Variants in ANKRD11 observed in about 807,000 individuals in gnomAD.
The protein encoded by ANKRD11 is ankyrin repeat domain 11, also known as ankyrin repeat domain-containing protein 11.
Under a neutral mutation model 195.7 loss-of-function variants are expected in ANKRD11, and 17 were observed. The observed-to-expected ratio is 0.09, with a 90% confidence interval of 0.06 to 0.13. The LOEUF is 0.13. Among genes scored for constraint, ANKRD11 ranks in the 10% least tolerant of loss-of-function variants. The probability of loss-of-function intolerance (pLI) is 1.00; values close to 1 mark genes in which losing one functional copy is unlikely to be tolerated. For missense variants in ANKRD11, 3,735 were observed against 3,566.1 expected, an observed-to-expected ratio of 1.05 and a Z score of -1.21; for synonymous variants, 1,953 against 1,528.1, an observed-to-expected ratio of 1.28 and a Z score of -6.49.
chr16:89,278,544 A>C (rs1335077422), intron 9 of ANKRD11: 2 of 456,692 alleles, frequency 4.4e-6, no homozygotes, highest in African/African-American at 4.0e-5. Context: ...AGGTGGAACA[A>C]GGTGAGGCTG....
At chr16:89,474,178 A>G (rs182765713) in intron 1 of ANKRD11, among the ~76,000 whole-genome samples, 1 of 152,298 alleles carries the variant, frequency 6.6e-6, no homozygotes, top group Non-Finnish European at 1.5e-5. Flanking sequence ...GCCTCTGATA[A>G]GATCACAGTC....
At chr16:89,345,135 C>T (rs2152009517) in intron 2 of ANKRD11, among the ~76,000 whole-genome samples, 1 of 152,104 alleles carries the variant, frequency 6.6e-6, no homozygotes, top group South Asian at 2.1e-4. Context: ...GGAGCATCCA[C>T]CAGGAAATGG....
intron 2 of ANKRD11, among the ~76,000 whole-genome samples, chr16:89,365,942 T>C (rs1033107724): frequency 2.0e-5 from 3 of 152,084 alleles, no homozygotes; most frequent in Non-Finnish European, 2.9e-5. Flanking sequence ...TTCCCATTCA[T>C]AAGTGACAAC....
intron 1 of ANKRD11, among the ~76,000 whole-genome samples, chr16:89,486,755 C>T (rs2057628046): frequency 6.6e-6 from 1 of 152,206 alleles, no homozygotes; most frequent in Non-Finnish European, 1.5e-5. Context: ...TCTATAATCC[C>T]AGCACTTTGG....
chr16:89,285,561 G>C lies in ANKRD11; in HGVS notation c.981C>G (p.Leu327=). 1 of 1,614,154 alleles carries C rather than the reference G, an allele frequency of 6.2e-7. No homozygotes were observed. The highest frequency in any genetic ancestry group is 1.1e-5 in the South Asian group (1 of 91,064). ...NNTDSEFEKG[L]KHKAKNPEPQ... ...GCTCTGGGTTCTTGGCCTTGTGCTT[G>C]AGGCCTTTTTCGAACTCGGAGTCCG... Residue 327 remains leucine (L), a synonymous_variant, in exon 9 of 13, where the codon CTC becomes CTG. Transcript: ENST00000301030. The surrounding 1 kb of genome is among the most constrained non-coding windows in gnomAD (Gnocchi z 5.6).
rs187946635 is a variant in ANKRD11, at chr16:89,461,932, G to C, written c.-145+28313C>G. On this transcript the variant is annotated intron_variant, in intron 1 of 12. Transcript: ENST00000301030. ...GGCACTCATTTTGGAAACCTGCAGAGCATCTATTGAAAAAGCCCATCCCAG... is the reference window on the plus strand; with the variant it reads ...GGCACTCATTTTGGAAACCTGCAGACCATCTATTGAAAAAGCCCATCCCAG... 1.9e-3 allele frequency among the ~76,000 whole-genome samples: 296 copies of C among 152,160 alleles called. 1 individual carries two copies. Among genetic ancestry groups the C allele is most frequent in the African/African-American group, 7.0e-3 (290 of 41,514 alleles).
At chr16:89,323,126 C>T (rs1047982301) in intron 2 of ANKRD11, 14 of 340,146 alleles carry the variant, frequency 4.1e-5, no homozygotes, top group African/African-American at 2.5e-4. Flanking sequence ...TTGTGCGCTC[C>T]GTGGAAAGGG....
chr16:89,316,896 G>T, intron 3 of ANKRD11, 37 bp downstream of exon 3: 1 of 1,604,520 alleles, frequency 6.2e-7, no homozygotes, highest in Non-Finnish European at 8.5e-7. Flanking sequence ...CCATCTGGGT[G>T]CGGTGAGCAT....
intron 2 of ANKRD11, among the ~76,000 whole-genome samples, chr16:89,334,559 G>C (rs775024571): frequency 6.6e-6 from 1 of 152,120 alleles, no homozygotes; most frequent in Admixed American, 6.5e-5. Context: ...TGGGCATGCG[G>C]CATGCTATGG....
chr16:89,399,995 G>A (rs990439552), intron 2 of ANKRD11, among the ~76,000 whole-genome samples: 3 of 150,484 alleles, frequency 2.0e-5, no homozygotes, highest in Non-Finnish European at 3.0e-5. Flanking sequence ...GCTGGGGGCC[G>A]GTCATCTGCT....
chr16:89,403,277 A>C (rs1243359391), intron 2 of ANKRD11, among the ~76,000 whole-genome samples: 2 of 152,180 alleles, frequency 1.3e-5, no homozygotes, highest in African/African-American at 4.8e-5. Flanking sequence ...CCAGCCACGC[A>C]CATGTTGTGA....
chr16:89,341,724 G>C (rs1450494972), intron 2 of ANKRD11, among the ~76,000 whole-genome samples: 1 of 152,206 alleles, frequency 6.6e-6, no homozygotes, highest in Non-Finnish European at 1.5e-5. Context: ...ACCTACAAAA[G>C]CAAAATAAGG....
At chr16:89,486,739 C>G (rs546841468) in intron 1 of ANKRD11, among the ~76,000 whole-genome samples, 6 of 152,266 alleles carry the variant, frequency 3.9e-5, no homozygotes, top group Admixed American at 1.3e-4. Flanking sequence ...GGCATGGTGG[C>G]TCACGTCTAT....
chr16:89,381,354 A>AAAAAGGG (rs1555560066), intron 2 of ANKRD11, among the ~76,000 whole-genome samples: 1 of 125,338 alleles, frequency 8.0e-6, no homozygotes, highest in African/African-American at 3.3e-5. Flanking sequence ...AAAAAAAAAA[A>AAAAAGGG]GGGGTGAGAA....
chr16:89,465,642 C>T (rs2056855570), intron 1 of ANKRD11, among the ~76,000 whole-genome samples: 1 of 152,246 alleles, frequency 6.6e-6, no homozygotes, highest in African/African-American at 2.4e-5. Flanking sequence ...CCCATGTACT[C>T]CTGCACGTCA....
intron 2 of ANKRD11, among the ~76,000 whole-genome samples, chr16:89,358,096 A>G (rs1049998034): frequency 3.3e-5 from 5 of 152,252 alleles, no homozygotes; most frequent in African/African-American, 1.2e-4. Flanking sequence ...TTTTGACCCA[A>G]GGACACAGGT....
At position 89,282,321 on chromosome 16, in the gene ANKRD11, G is replaced by A. The variant is rs2034324741; in HGVS notation, c.4221C>T (p.Asn1407=). Residue 1407 remains asparagine (N), a synonymous_variant, in exon 9 of 13, where the codon AAC becomes AAT. Coordinates refer to ENST00000301030, the MANE Select transcript of ANKRD11 (RefSeq NM_013275.6). ...LEADAYGVSY[N]MKADIEDELD... is the part of the protein sequence containing the mutation. ...GCTCATCTTCTATGTCAGCTTTCATGTTGTAAGAAACTCCGTAAGCATCCG... is the reference window on the plus strand; with the variant it reads ...GCTCATCTTCTATGTCAGCTTTCATATTGTAAGAAACTCCGTAAGCATCCG... 6.2e-7 allele frequency: 1 copy of A among 1,614,046 alleles called. No individual in the cohort carries two copies. The highest frequency in any genetic ancestry group is 1.3e-5 in the African/African-American group (1 of 74,904).
In ANKRD11 at chr16:89,295,983, G is replaced by T. The variant is rs1290795765; in HGVS notation, c.227-4800C>A. On this transcript the variant is annotated intron_variant, in intron 4 of 12. Transcript: ENST00000301030. ...CAGGGAGTGTCTTCTCTATCTGGCT[G>T]CCTTTTTTTTTTTTTTTTTTTTTGA... Among the ~76,000 whole-genome samples, 30 of 19,856 alleles carry T rather than the reference G, an allele frequency of 1.5e-3. 1 individual carries two copies. Among genetic ancestry groups the T allele is most frequent in the East Asian group, 3.0e-3 (4 of 1,346 alleles). The allele number at this position is 19,856 out of a possible 152,430, so 13.0% of individuals were successfully genotyped here.
intron 2 of ANKRD11, among the ~76,000 whole-genome samples, chr16:89,331,846 C>T (rs2038082995): frequency 6.6e-6 from 1 of 152,130 alleles, no homozygotes; most frequent in African/African-American, 2.4e-5. Context: ...ATGTTTTCGG[C>T]GGATGCAATG....
Sources: gnomAD v4.1 joint callset for allele counts (sites outside exome capture counted in the v4.1 genomes callset) on GRCh38, gnomAD v4.1.1 for gene constraint, Gnocchi (gnomAD v3.1) non-coding constraint, MANE v1.5 for transcripts, NCBI Gene and HGNC (gene_info 2026-07-23, HGNC 2026-07-21) for gene names.